Variants in UPRT observed in about 807,000 individuals in gnomAD.
The protein encoded by UPRT is RP11-311P8.3.
In UPRT, 5 loss-of-function variants were observed where a neutral mutation model predicts 22.6. The observed-to-expected ratio is 0.22, with a 90% CI of 0.12 to 0.47. The LOEUF is 0.47. Among genes scored for constraint, UPRT ranks in the 20% least tolerant of loss-of-function variants. The probability of loss-of-function intolerance (pLI) is 0.99; values close to 1 mark genes in which losing one functional copy is unlikely to be tolerated. For missense variants in UPRT, 181 were observed against 239.9 expected, an observed-to-expected ratio of 0.75 and a Z score of 1.62; for synonymous variants, 77 against 87.7, an observed-to-expected ratio of 0.88 and a Z score of 0.68.
intron 4 of UPRT, among the ~76,000 whole-genome samples, chrX:75,174,924 C>T (rs781076860): frequency 9.0e-6 from 1 of 111,118 alleles, no homozygotes; most frequent in East Asian, 2.9e-4. Context: ...GTCTCTTTCT[C>T]TCTTTTTAAC....
chrX:75,223,511 C>T (rs961195798), intron 4 of UPRT, among the ~76,000 whole-genome samples: 1 of 111,195 alleles, frequency 9.0e-6, no homozygotes, highest in East Asian at 2.8e-4. Context: ...TGCTGAATAT[C>T]AAGTTCTTAC....
At chrX:75,233,920 A>T (rs1180255776) in intron 4 of UPRT, among the ~76,000 whole-genome samples, 2 of 111,057 alleles carry the variant, frequency 1.8e-5, no homozygotes, top group Non-Finnish European at 3.8e-5. Flanking sequence ...GACAGGATCA[A>T]ATTCACACAT....
chrX:75,297,524 G>A lies in UPRT; in HGVS notation c.533G>A (p.Gly178Glu). The A allele has an allele frequency of 8.3e-7, 1 of 1,211,829 alleles. No individual in the cohort carries two copies. Among genetic ancestry groups the A allele is most frequent in the South Asian group, 1.8e-5 (1 of 56,986 alleles). Residue 178 changes from glycine (G) to glutamate (E), a missense_variant, in exon 4 of 7, where the codon GGA becomes GAA. This residue lies in a region of UPRT where 70 missense variants were observed against 137.0 expected (regional missense o/e 0.51). Transcript: ENST00000373383. Reference protein sequence around the residue: ...YKYEGVKFEKGNCGVSIMRSG... With the variant: ...YKYEGVKFEKENCGVSIMRSG... Reference sequence around the variant, plus strand: ...TATGAAGGAGTGAAATTTGAGAAGGGAAATTGTGGGGTCAGCATAATGAGA... The same window carrying A: ...TATGAAGGAGTGAAATTTGAGAAGGAAAATTGTGGGGTCAGCATAATGAGA...
intron 4 of UPRT, among the ~76,000 whole-genome samples, chrX:75,232,175 G>A (rs1449255779): frequency 8.9e-6 from 1 of 112,256 alleles, no homozygotes; most frequent in Non-Finnish European, 1.9e-5. Flanking sequence ...AGAAAGGGGT[G>A]ACAGACGGCA....
Position 75,183,502 on chromosome X carries a change from T to C in UPRT, c.-447+15623T>C, listed in dbSNP as rs190775072. Among the ~76,000 whole-genome samples the C allele has an allele frequency of 4.4e-5, 5 of 112,395 alleles. No homozygotes were observed. In the East Asian group the frequency reaches 1.4e-3, roughly 31 times the overall value. ...AAACATATGTGTGCATGTGCCTTTA[T>C]AGCAGCATGATTTATAATCCTTTGG... On this transcript the variant is annotated intron_variant, in intron 4 of 13. Coordinates refer to the UPRT transcript ENST00000652605.
chrX:75,283,633 C>T (rs765924998), intron 1 of UPRT, among the ~76,000 whole-genome samples: 1 of 111,639 alleles, frequency 9.0e-6, no homozygotes, highest in Non-Finnish European at 1.9e-5. Flanking sequence ...AGATAGATAG[C>T]TCATAGCTTG....
chrX:75,297,569 T>G lies in UPRT; in HGVS notation c.562+16T>G, dbSNP rs757268329. 8.3e-7 allele frequency: 1 copy of G among 1,209,024 alleles called. No individual in the cohort carries two copies. Among genetic ancestry groups the G allele is most frequent in the Non-Finnish European group, 1.1e-6 (1 of 893,166 alleles). ...ATGAGAAGCGGTAGGTTCACGTGTGTGTGATTTTTGTCTCTTTGTATGCAT... is the reference window on the plus strand; with the variant it reads ...ATGAGAAGCGGTAGGTTCACGTGTGGGTGATTTTTGTCTCTTTGTATGCAT... On this transcript the variant is annotated intron_variant, in intron 4 of 6. Transcript: ENST00000373383.
intron 4 of UPRT, among the ~76,000 whole-genome samples, chrX:75,234,968 A>C (rs1435077772): frequency 8.9e-6 from 1 of 111,814 alleles, no homozygotes; most frequent in African/African-American, 3.3e-5. Context: ...GAGACACAAA[A>C]AACCCTTCAA....
intron 1 of UPRT, among the ~76,000 whole-genome samples, chrX:75,288,553 A>G (rs2082691867): frequency 8.9e-6 from 1 of 112,541 alleles, no homozygotes; most frequent in Non-Finnish European, 1.9e-5. Flanking sequence ...AATGTGATTC[A>G]ACACATAAAA....
intron 4 of UPRT, among the ~76,000 whole-genome samples, chrX:75,298,083 A>G (rs1341514737): frequency 9.2e-6 from 1 of 108,270 alleles, no homozygotes; most frequent in African/African-American, 3.4e-5. Flanking sequence ...AGTTCAAGTA[A>G]TCCTCCCACC....
At chrX:75,201,984 T>TG (rs1308056244) in intron 4 of UPRT, among the ~76,000 whole-genome samples, 1 of 111,275 alleles carries the variant, frequency 9.0e-6, no homozygotes, top group Non-Finnish European at 1.9e-5. Context: ...TTAAACCTCT[T>TG]GGGGGGAAAA....
At chrX:75,186,232 C>T (rs1055374122) in intron 4 of UPRT, among the ~76,000 whole-genome samples, 4 of 111,163 alleles carry the variant, frequency 3.6e-5, no homozygotes, top group Non-Finnish European at 5.7e-5. Context: ...TGTTTGTTCT[C>T]GTTGGTTTCA....
At chrX:75,157,257 A>G (rs1164158445) in intron 1 of UPRT, among the ~76,000 whole-genome samples, 2 of 112,315 alleles carry the variant, frequency 1.8e-5, no homozygotes, top group South Asian at 3.7e-4. Context: ...ACAAATAATT[A>G]TGGACTTCTT....
Position 75,184,155 on chromosome X carries a change from A to C in UPRT, c.-447+16276A>C, listed in dbSNP as rs1369684108. On this transcript the variant is annotated intron_variant, in intron 4 of 13. Transcript: ENST00000652605. The stretch of plus-strand genomic sequence containing the variant: ...TTTCTTCTAGGGTTTTTATGGTTTT[A>C]GGTCGAACGTTTAAGTCTTTAATCC... 2.7e-5 allele frequency among the ~76,000 whole-genome samples: 3 copies of C among 110,869 alleles called. No individual in the cohort carries two copies. The East Asian group carries it at 8.4e-4, about 31-fold the overall frequency.
intron 4 of UPRT, among the ~76,000 whole-genome samples, chrX:75,185,417 G>T (rs1000661851): frequency 1.8e-5 from 2 of 111,854 alleles, no homozygotes; most frequent in Non-Finnish European, 3.8e-5. Context: ...GCTGGATTTG[G>T]TTTGCCAGTA....
chrX:75,218,066 A>G (rs1305927172), intron 4 of UPRT, among the ~76,000 whole-genome samples: 1 of 111,887 alleles, frequency 8.9e-6, no homozygotes, highest in East Asian at 2.8e-4. Flanking sequence ...GAGCTTCTGC[A>G]CAGCAAAAGA....
chrX:75,219,023 A>T (rs1044328357), intron 4 of UPRT, among the ~76,000 whole-genome samples: 1 of 111,117 alleles, frequency 9.0e-6, no homozygotes, highest in Non-Finnish European at 1.9e-5. Context: ...ATGTACCCTA[A>T]AACTTAAAGT....
intron 4 of UPRT, among the ~76,000 whole-genome samples, chrX:75,185,663 T>G (rs760716057): frequency 7.1e-5 from 8 of 112,135 alleles, no homozygotes; most frequent in African/African-American, 9.7e-5. Flanking sequence ...GACTCTTTTT[T>G]GTTGGTAAGC....
rs1207803158 is a variant in UPRT, at chrX:75,274,299, C to A, written c.45C>A (p.Asn15Lys). Reference protein sequence around the residue: ...LQCPDSMPCHNQQVNSASTPS... With the variant: ...LQCPDSMPCHKQQVNSASTPS... ...GTCCGGACTCCATGCCCTGTCACAA[C>A]CAGCAAGTAAACTCTGCCTCAACCC... Residue 15 changes from asparagine (N) to lysine (K), a missense_variant, in exon 1 of 7, where the codon AAC becomes AAA. By Grantham distance (94) the Asn-to-Lys change is moderately conservative. Coordinates refer to ENST00000373383, the MANE Select transcript of UPRT (RefSeq NM_145052.4). The A allele has an allele frequency of 2.5e-6, 3 of 1,211,236 alleles. No individual in the cohort carries two copies. Among genetic ancestry groups the A allele is most frequent in the Non-Finnish European group, 3.4e-6 (3 of 895,194 alleles).
Sources: allele counts gnomAD v4.1 joint callset (sites outside exome capture counted in the v4.1 genomes callset), GRCh38; gene constraint gnomAD v4.1.1; regional missense constraint gnomAD v4.1.1; transcripts MANE v1.5; gene names NCBI Gene and HGNC (gene_info 2026-07-23, HGNC 2026-07-21).